CADM1: variants seen among roughly 807,000 people sequenced by gnomAD.
The protein encoded by CADM1 is cell adhesion molecule 1, also known as TSLC-1.
In CADM1, 15 loss-of-function variants were observed where a neutral mutation model predicts 53.1. The observed-to-expected ratio is 0.28, with a 90% CI of 0.19 to 0.44. The LOEUF (loss-of-function observed/expected upper bound fraction) is 0.44. Ranked by LOEUF, CADM1 falls within the 20% of genes least tolerant of loss-of-function variation. The pLI, the probability that CADM1 is intolerant of heterozygous loss-of-function variation, is 1.00. For missense variants in CADM1, 434 were observed against 611.3 expected (o/e 0.71, Z 3.06); for synonymous variants, 281 against 243.0 (o/e 1.16, Z -1.45).
chr11:115,253,336 C>T (rs1158927513), intron 1 of CADM1, among the ~76,000 whole-genome samples: 1 of 152,134 alleles, frequency 6.6e-6, no homozygotes, highest in Non-Finnish European at 1.5e-5. Flanking sequence ...TTTGAGAAAG[C>T]TATCAGGTAT....
intron 1 of CADM1, among the ~76,000 whole-genome samples, chr11:115,305,267 C>A (rs766009100): frequency 6.6e-6 from 1 of 152,024 alleles, no homozygotes; most frequent in East Asian, 1.9e-4. Context: ...ACAAGATTAT[C>A]TGGACTCCTG....
intron 1 of CADM1, among the ~76,000 whole-genome samples, chr11:115,334,819 T>C (rs1382215301): frequency 6.6e-6 from 1 of 152,074 alleles, no homozygotes; most frequent in East Asian, 1.9e-4. Flanking sequence ...TAATAGGAAA[T>C]ATACACACTG....
At chr11:115,449,319 A>T (rs927590452) in intron 1 of CADM1, among the ~76,000 whole-genome samples, 3 of 152,244 alleles carry the variant, frequency 2.0e-5, no homozygotes, top group Non-Finnish European at 4.4e-5. Flanking sequence ...GCCAATGAAA[A>T]TAATGATTGT....
intron 1 of CADM1, among the ~76,000 whole-genome samples, chr11:115,377,021 T>C (rs1946455667): frequency 1.3e-5 from 2 of 152,204 alleles, no homozygotes; most frequent in South Asian, 4.1e-4. Context: ...ACAAATGTCA[T>C]GCGCCATGAC....
At chr11:115,326,104 C>T (rs1432380012) in intron 1 of CADM1, among the ~76,000 whole-genome samples, 1 of 152,124 alleles carries the variant, frequency 6.6e-6, no homozygotes, top group African/African-American at 2.4e-5. Context: ...CTACATTAAA[C>T]TCAATTAGCC....
intron 1 of CADM1, among the ~76,000 whole-genome samples, chr11:115,354,323 T>A (rs1208670492): frequency 6.6e-6 from 1 of 152,194 alleles, no homozygotes; most frequent in Non-Finnish European, 1.5e-5. Context: ...AAAGAATATG[T>A]AATGTTCCGA....
At position 115,243,754 on chromosome 11, in the gene CADM1, C is replaced by A. The variant is rs149037402; in HGVS notation, c.125-3334G>T. Among the ~76,000 whole-genome samples the A allele has an allele frequency of 2.4e-4, 37 of 152,304 alleles. 1 individual carries two copies. Among genetic ancestry groups the A allele is most frequent in the Middle Eastern group, 3.4e-3 (1 of 294 alleles). On this transcript the variant is annotated intron_variant, in intron 1 of 11. Transcript: ENST00000331581. ...CTACAAAACACAATTTGATGTGTAG[C>A]AGAAGGGTACAAACAGGCAACTTTG... is the stretch of plus-strand genomic sequence containing the variant.
At chr11:115,437,726 C>T (rs993418002) in intron 1 of CADM1, among the ~76,000 whole-genome samples, 2 of 152,138 alleles carry the variant, frequency 1.3e-5, no homozygotes, top group Non-Finnish European at 2.9e-5. Context: ...ATGCTTCTTG[C>T]TGGTTTGCTT....
At chr11:115,463,525 T>A (rs564577611) in intron 1 of CADM1, among the ~76,000 whole-genome samples, 39 of 152,332 alleles carry the variant, frequency 2.6e-4, no homozygotes, top group Non-Finnish European at 4.6e-4. Flanking sequence ...GAGATATATA[T>A]GTACATTCCT....
intron 1 of CADM1, among the ~76,000 whole-genome samples, chr11:115,261,622 A>C (rs1942976221): frequency 6.6e-6 from 1 of 152,194 alleles, no homozygotes; most frequent in South Asian, 2.1e-4. Context: ...GAATACGAGA[A>C]GTCATTTCAC....
At chr11:115,320,057 T>C (rs768920280) in intron 1 of CADM1, among the ~76,000 whole-genome samples, 3 of 152,178 alleles carry the variant, frequency 2.0e-5, no homozygotes, top group Non-Finnish European at 4.4e-5. Flanking sequence ...TTTATTTATT[T>C]ATTCATTCAT....
chr11:115,178,494 T>C (rs2134583384), intron 11 of CADM1, 150 bp downstream of exon 11: 1 of 767,188 alleles, frequency 1.3e-6, no homozygotes, highest in Non-Finnish European at 2.1e-6. Flanking sequence ...TTTTTTTTTT[T>C]TTTTTTCTCT....
At chr11:115,351,170 T>C (rs1476970614) in intron 1 of CADM1, among the ~76,000 whole-genome samples, 1 of 152,138 alleles carries the variant, frequency 6.6e-6, no homozygotes, top group African/African-American at 2.4e-5. Context: ...TTAAATTATC[T>C]GTGACTTCAA....
chr11:115,340,658 A>ATATTTT (rs60532835), intron 1 of CADM1, among the ~76,000 whole-genome samples: 51 of 34,940 alleles, frequency 1.5e-3, no homozygotes, highest in Admixed American at 2.2e-3. Flanking sequence ...ATATATATAT[A>ATATTTT]TTTTTTTTTT....
chr11:115,257,856 C>T (rs1403505553), intron 1 of CADM1, among the ~76,000 whole-genome samples: 1 of 152,190 alleles, frequency 6.6e-6, no homozygotes, highest in East Asian at 1.9e-4. Flanking sequence ...ACCTGGAGGG[C>T]CTGTCTGCTG....
intron 1 of CADM1, among the ~76,000 whole-genome samples, chr11:115,333,315 C>A (rs1293147343): frequency 1.3e-5 from 2 of 152,124 alleles, no homozygotes; most frequent in African/African-American, 4.8e-5. Flanking sequence ...AAGCACAAAA[C>A]CACTTAAGCT....
intron 1 of CADM1, among the ~76,000 whole-genome samples, chr11:115,282,099 T>C (rs1215453914): frequency 6.6e-6 from 1 of 152,216 alleles, no homozygotes; most frequent in Non-Finnish European, 1.5e-5. Flanking sequence ...GGTAGACTCT[T>C]AATAAAAAGA....
chr11:115,308,211 T>TATATATATATATATATACACATAC (rs139012671), intron 1 of CADM1, among the ~76,000 whole-genome samples: 2 of 139,384 alleles, frequency 1.4e-5, no homozygotes, highest in African/African-American at 5.4e-5. Flanking sequence ...TATATATATA[T>TATATATATATATATATACACATAC]ACACACCTAT....
rs550825103 is a variant in CADM1, at chr11:115,443,956, G to A, written c.124+60315C>T. Among the ~76,000 whole-genome samples the A allele has an allele frequency of 2.6e-5, 4 of 152,182 alleles. No homozygotes were observed. The East Asian group carries it at 5.8e-4, about 22-fold the overall frequency. On this transcript the variant is annotated intron_variant, in intron 1 of 11. Coordinates refer to ENST00000331581, the MANE Select transcript of CADM1 (RefSeq NM_001301043.2). ...GGCAGGAGACAAAAGGTGGTTGGTC[G>A]GGTCTTTTTGTGTGTCCTATATTTC... is the stretch of plus-strand genomic sequence containing the variant.
Sources: allele counts gnomAD v4.1 joint callset (sites outside exome capture counted in the v4.1 genomes callset), GRCh38; gene constraint gnomAD v4.1.1; transcripts MANE v1.5; gene names NCBI Gene and HGNC (gene_info 2026-07-23, HGNC 2026-07-21).